Variants in EXOSC5 observed in about 807,000 individuals in gnomAD.
EXOSC5 encodes the protein exosome component 5.
In EXOSC5, 15 loss-of-function variants were observed where a neutral mutation model predicts 23.7. That is an observed-to-expected ratio of 0.63 (90% CI 0.42 to 0.97). The LOEUF (loss-of-function observed/expected upper bound fraction) is 0.97, where lower values mean the gene tolerates loss of function less well. Ranked by LOEUF, EXOSC5 falls within the 50% of genes least tolerant of loss-of-function variation. EXOSC5 has a pLI of 0.00. For missense variants in EXOSC5, 305 were observed against 316.3 expected (o/e 0.96, Z 0.27); for synonymous variants, 143 against 140.9 (o/e 1.02, Z -0.11).
chr19:41,389,964 C>T (rs1451078401), intron 3 of EXOSC5, 59 bp from the exon 4 acceptor site: 20 of 1,523,136 alleles, frequency 1.3e-5, no homozygotes, highest in Admixed American at 2.2e-5. Context: ...TGGAGTTTCG[C>T]TCTTGTTGCC....
At chr19:41,388,496 A>C (rs1283908396) in intron 4 of EXOSC5, among the ~76,000 whole-genome samples, 1 of 152,214 alleles carries the variant, frequency 6.6e-6, no homozygotes, top group Non-Finnish European at 1.5e-5. Flanking sequence ...TGCTATGTGC[A>C]TCCAGAACCA....
At chr19:41,391,749 G>A (rs2039023567) in intron 3 of EXOSC5, 92 bp downstream of exon 3, 3 of 1,428,062 alleles carry the variant, frequency 2.1e-6, no homozygotes, top group African/African-American at 3.0e-5. Context: ...AGTGTTTGAA[G>A]GCTTTCTGGC....
At chr19:41,394,985 G>C (rs909448903) in intron 1 of EXOSC5, among the ~76,000 whole-genome samples, 1 of 146,508 alleles carries the variant, frequency 6.8e-6, no homozygotes, top group African/African-American at 2.5e-5. Flanking sequence ...AGTGAGCCAC[G>C]ATCACTTCAC....
At position 41,389,877 on chromosome 19, in the gene EXOSC5, C is replaced by T; in HGVS notation, c.413G>A (p.Cys138Tyr). The T allele has an allele frequency of 6.2e-7, 1 of 1,612,182 alleles. No individual in the cohort carries two copies. The highest frequency in any genetic ancestry group is 8.5e-7 in the Non-Finnish European group (1 of 1,179,280). Reference sequence around the variant, plus strand: ...CACACCTGCATCCACCAATGCCATGCAGGCGGCATTCAGACAACAGGCCAG... The same window carrying T: ...CACACCTGCATCCACCAATGCCATGTAGGCGGCATTCAGACAACAGGCCAG... ...SLLACCLNAACMALVDAGVPM... is the reference protein window; with the variant it reads ...SLLACCLNAAYMALVDAGVPM... Residue 138 changes from cysteine (C) to tyrosine (Y), a missense_variant, in exon 4 of 6, where the codon TGC becomes TAC. Cys to Tyr is a radical substitution (Grantham distance 194). Coordinates refer to ENST00000221233, the MANE Select transcript of EXOSC5 (RefSeq NM_020158.4).
chr19:41,393,015 T>C, intron 1 of EXOSC5, 35 bp from the exon 2 acceptor site: 1 of 1,591,528 alleles, frequency 6.3e-7, no homozygotes, highest in South Asian at 1.1e-5. Context: ...CACTCACAGC[T>C]TCCCTGCTCC....
Position 41,397,324 on chromosome 19 carries a change from T to G in EXOSC5, c.5A>C (p.Glu2Ala), listed in dbSNP as rs763874539. ...TTTGGCGTCAGTATGCGTCTCCTCC[T>G]CCATCGCGCCGAGCCCACGTGCGGC... MEEETHTDAKIR... is the reference protein window; with the variant it reads MAEETHTDAKIR... The change falls in exon 1 of 6, where the codon GAG (glutamate) becomes GCG (alanine). Residue 2 changes from glutamate (E) to alanine (A), a missense_variant. Physicochemically the swap from Glu to Ala is moderately radical, Grantham distance 107. Transcript: ENST00000221233. The G allele has an allele frequency of 6.2e-7, 1 of 1,610,768 alleles. No homozygotes were observed. The highest frequency in any genetic ancestry group is 1.3e-5 in the African/African-American group (1 of 74,894).
chr19:41,395,959 C>T (rs1279657496), intron 1 of EXOSC5, among the ~76,000 whole-genome samples: 2 of 152,124 alleles, frequency 1.3e-5, no homozygotes, highest in African/African-American at 4.8e-5. Context: ...CCAAACTATA[C>T]GTAAGTTTTG....
rs746107942 is a variant in EXOSC5, at chr19:41,397,290, A to C, written c.39T>G (p.Ala13=). The change falls in exon 1 of 6, where the codon GCT becomes GCG. Residue 13 remains alanine, a synonymous_variant. Coordinates refer to ENST00000221233, the MANE Select transcript of EXOSC5 (RefSeq NM_020158.4). The part of the protein sequence containing the change: ...EETHTDAKIR[A]ENGTGSSPRG... ...GAGGGCTGGACCCTGTTCCATTTTC[A>C]GCACGGATTTTGGCGTCAGTATGCG... 1 of 1,614,002 alleles carries C rather than the reference A, an allele frequency of 6.2e-7. No homozygotes were observed. The highest frequency in any genetic ancestry group is 1.1e-5 in the South Asian group (1 of 91,078).
chr19:41,391,371 A>G (rs1041927775), intron 3 of EXOSC5, among the ~76,000 whole-genome samples: 1 of 152,150 alleles, frequency 6.6e-6, no homozygotes, highest in Non-Finnish European at 1.5e-5. Flanking sequence ...TGTCTCAAAA[A>G]CAAACAAAAA....
At position 41,389,816 on chromosome 19, in the gene EXOSC5, G is replaced by C. The variant is rs2039009498; in HGVS notation, c.474C>G (p.Ala158=). Residue 158 remains alanine (A), a synonymous_variant, in exon 4 of 6, where the codon GCC becomes GCG. Transcript: ENST00000221233. ...MRALFCGVAC[A]LDSDGTLVLD... ...GCACGAGGGTCCCATCAGAGTCCAG[G>C]GCGCAGGCGACCCCACAGAAGAGAG... The C allele has an allele frequency of 6.2e-7, 1 of 1,614,008 alleles. No individual in the cohort carries two copies.
At chr19:41,391,558 C>T (rs982298102) in intron 3 of EXOSC5, 6 of 362,234 alleles carry the variant, frequency 1.7e-5, no homozygotes, top group East Asian at 4.4e-5. Flanking sequence ...TGCCAGGGTC[C>T]GTGGGCTCTA....
At chr19:41,392,367 A>C (rs1193767200) in intron 2 of EXOSC5, among the ~76,000 whole-genome samples, 1 of 152,136 alleles carries the variant, frequency 6.6e-6, no homozygotes, top group African/African-American at 2.4e-5. Flanking sequence ...GGATCACTTG[A>C]GGTCAGGAGA....
intron 1 of EXOSC5, 60 bp downstream of exon 1, chr19:41,397,121 C>G (rs2039074899): frequency 1.9e-6 from 3 of 1,540,358 alleles, no homozygotes; most frequent in Admixed American, 1.9e-5. Context: ...GAGGTGGGCA[C>G]TCGGTTGCAC....
At chr19:41,387,792 G>GA (rs58638587) in intron 4 of EXOSC5, among the ~76,000 whole-genome samples, 189 bp from the exon 5 acceptor site, 74,809 of 116,122 alleles carry the variant, frequency 0.64, 23,892 homozygotes, top group African/African-American at 0.7. Flanking sequence ...CCCCATCTCA[G>GA]AAAAAAAAAA....
chr19:41,386,742 G>C lies in EXOSC5; in HGVS notation c.616-17C>G. The C allele has an allele frequency of 6.4e-7, 1 of 1,562,762 alleles. No individual in the cohort carries two copies. The highest frequency in any genetic ancestry group is 1.2e-5 in the South Asian group (1 of 85,714). On this transcript the variant is annotated splice_polypyrimidine_tract_variant and intron_variant, in intron 5 of 5. Coordinates refer to ENST00000221233, the MANE Select transcript of EXOSC5 (RefSeq NM_020158.4). The stretch of plus-strand genomic sequence containing the variant: ...CTGCTGGAGCTGCGGGGGAGAGACT[G>C]GTCGGTGCTGGGGGCCGAGCCCTTC...
At position 41,397,224 on chromosome 19, in the gene EXOSC5, C is replaced by T. The variant is rs1453541402; in HGVS notation, c.105G>A (p.Gln35=). 6.2e-7 allele frequency: 1 copy of T among 1,614,206 alleles called. No individual in the cohort carries two copies. Among genetic ancestry groups the T allele is most frequent in the Non-Finnish European group, 8.5e-7 (1 of 1,180,008 alleles). ...AGCCATCTGGCCGCGACAGCAGGTT[C>T]TGTTCGCAGGCAAAGTGCCGGAGGC... ...GCSLRHFACE[Q]NLLSRPDGSA... Residue 35 remains glutamine, a synonymous_variant, in exon 1 of 6, where the codon CAG becomes CAA. Transcript: ENST00000221233.
At chr19:41,394,338 A>G (rs1360384615) in intron 1 of EXOSC5, among the ~76,000 whole-genome samples, 2 of 149,374 alleles carry the variant, frequency 1.3e-5, no homozygotes, top group East Asian at 4.2e-4. Flanking sequence ...AGATCACACC[A>G]TTGCACTCCA....
rs116711272 is a variant in EXOSC5 at position 41,390,984 on chromosome 19, C to T, written c.384+857G>A. ...CCTCTCGCACCTCAGACATGGAGATCTTACAAGGCCACGCTCCTGACTCAG... is the reference window on the plus strand; with the variant it reads ...CCTCTCGCACCTCAGACATGGAGATTTTACAAGGCCACGCTCCTGACTCAG... On this transcript the variant is annotated intron_variant, in intron 3 of 5. Coordinates refer to ENST00000221233, the MANE Select transcript of EXOSC5 (RefSeq NM_020158.4). Among the ~76,000 whole-genome samples the T allele has an allele frequency of 7.8e-3, 1,191 of 152,266 alleles. 18 individuals carry two copies. Among genetic ancestry groups the T allele is most frequent in the African/African-American group, 0.027 (1,130 of 41,546 alleles).
In EXOSC5 at chr19:41,391,955, T is replaced by C; in HGVS notation, c.270A>G (p.Ala90=). The C allele has an allele frequency of 1.3e-6, 2 of 1,584,736 alleles. No individual in the cohort carries two copies. Among genetic ancestry groups the C allele is most frequent in the Non-Finnish European group, 8.6e-7 (1 of 1,168,560 alleles). Residue 90 remains alanine, a synonymous_variant, in exon 3 of 6, where the codon GCA becomes GCG. Coordinates refer to ENST00000221233, the MANE Select transcript of EXOSC5 (RefSeq NM_020158.4). ...TGATCAGCCGCTCCCGGCTCTTCTC[T>C]GCAACACCTGGGGAAATTGAAGAGA... ...LRPKIGLPGV[A]EKSRERLIRN...
Sources: gnomAD v4.1 joint callset for allele counts (sites outside exome capture counted in the v4.1 genomes callset) on GRCh38, gnomAD v4.1.1 for gene constraint, MANE v1.5 for transcripts, NCBI Gene and HGNC (gene_info 2026-07-23, HGNC 2026-07-21) for gene names.